The following CC2D2A variants were observed in gnomAD, a reference collection of about 807,000 sequenced individuals.
The protein encoded by CC2D2A is coiled-coil and C2 domain-containing protein 2A.
A neutral mutation model predicts 212.9 loss-of-function variants in CC2D2A; 155 were observed. That is an observed-to-expected ratio of 0.73 (90% CI 0.64 to 0.83). The LOEUF (loss-of-function observed/expected upper bound fraction) is 0.83, where lower values mean the gene tolerates loss of function less well. Ranked by LOEUF, CC2D2A falls within the 40% of genes least tolerant of loss-of-function variation. The probability of loss-of-function intolerance (pLI) is 0.00; values close to 1 mark genes in which losing one functional copy is unlikely to be tolerated. For missense variants in CC2D2A, 1,856 were observed against 1,956.2 expected (o/e 0.95, Z 0.97); for synonymous variants, 667 against 686.5 (o/e 0.97, Z 0.44).
chr4:15,601,337 A>G lies in CC2D2A; in HGVS notation c.4775A>G (p.Glu1592Gly), dbSNP rs764027313. 5 of 1,610,160 alleles carry G rather than the reference A, an allele frequency of 3.1e-6. No individual in the cohort carries two copies. The highest frequency in any genetic ancestry group is 4.2e-6 in the Non-Finnish European group (5 of 1,177,818). ...GVHNIDVPNV[E>G]FALAVYIHPY... ...CATAATATTGATGTTCCTAATGTTG[A>G]ATTTGCTTTAGCTGTATACATACAC... The change falls in exon 37 of 37, where the codon GAA becomes GGA. Residue 1592 changes from glutamate (E) to glycine (G), a missense_variant. Glu to Gly is a moderately conservative substitution (Grantham distance 98, BLOSUM62 -2). Around this residue, in one of 5 missense-constraint regions of CC2D2A, gnomAD observed 285 missense variants for 278.4 expected, o/e 1.02. Coordinates refer to ENST00000424120, the MANE Select transcript of CC2D2A (RefSeq NM_001378615.1).
At chr4:15,530,004 C>T (rs564360021) in intron 13 of CC2D2A, among the ~76,000 whole-genome samples, 1 of 72,404 alleles carries the variant, frequency 1.4e-5, no homozygotes, top group African/African-American at 3.5e-5. Flanking sequence ...CGGAGTCTCA[C>T]TCTGTCGCCC....
intron 33 of CC2D2A, among the ~76,000 whole-genome samples, chr4:15,592,599 A>C (rs1175183411): frequency 6.6e-6 from 1 of 152,028 alleles, no homozygotes; most frequent in East Asian, 1.9e-4. Context: ...GCTCTTCATT[A>C]CTCTGCAGTT....
At chr4:15,483,960 A>C (rs1714850280) in intron 4 of CC2D2A, among the ~76,000 whole-genome samples, 1 of 152,254 alleles carries the variant, frequency 6.6e-6, no homozygotes, top group Non-Finnish European at 1.5e-5. Flanking sequence ...TCCCTTGGGC[A>C]AGTTCTCCGA....
rs752196680 is a variant in CC2D2A, at chr4:15,580,184, T to A, written c.3975+13T>A. The A allele has an allele frequency of 6.3e-7, 1 of 1,597,484 alleles. No individual in the cohort carries two copies. Among genetic ancestry groups the A allele is most frequent in the East Asian group, 2.2e-5 (1 of 44,768 alleles). On this transcript the variant is annotated intron_variant, in intron 30 of 36. Transcript: ENST00000424120. The stretch of plus-strand genomic sequence containing the variant: ...ACAGGCAACTGCAGTAAGTATTTCA[T>A]AGTCAATAAGTGCTGTGCTAAAACT...
chr4:15,514,395 G>T (rs1716740496), intron 8 of CC2D2A, among the ~76,000 whole-genome samples: 1 of 152,130 alleles, frequency 6.6e-6, no homozygotes, highest in Non-Finnish European at 1.5e-5. Flanking sequence ...TACATAAATG[G>T]CAAGAAGCAA....
intron 28 of CC2D2A, among the ~76,000 whole-genome samples, chr4:15,572,173 G>A (rs1720202110): frequency 6.6e-6 from 1 of 152,134 alleles, no homozygotes; most frequent in Non-Finnish European, 1.5e-5. Flanking sequence ...TTGCCGGGTA[G>A]TTTATACATC....
At chr4:15,493,609 G>A (rs536243649) in intron 4 of CC2D2A, among the ~76,000 whole-genome samples, 1 of 152,140 alleles carries the variant, frequency 6.6e-6, no homozygotes, top group African/African-American at 2.4e-5. Flanking sequence ...CCTCCCTCCT[G>A]GCCCTCCTTA....
Position 15,557,399 on chromosome 4 carries a change from A to C in CC2D2A, c.2721A>C (p.Arg907Ser). Residue 907 changes from arginine (R) to serine (S), a missense_variant, in exon 21 of 37, where the codon AGA becomes AGC. Transcript: ENST00000424120. Reference protein sequence around the residue: ...FNFVSDQELNRSKRFRLLHLR... With the variant: ...FNFVSDQELNSSKRFRLLHLR... Reference sequence around the variant, plus strand: ...TTGTTTCAGATCAAGAATTAAATAGATCCAAACGATTTAGGCTTCTTCATC... The same window carrying C: ...TTGTTTCAGATCAAGAATTAAATAGCTCCAAACGATTTAGGCTTCTTCATC... The C allele has an allele frequency of 6.2e-7, 1 of 1,613,558 alleles. No individual in the cohort carries two copies. Among genetic ancestry groups the C allele is most frequent in the Non-Finnish European group, 8.5e-7 (1 of 1,179,630 alleles).
At position 15,521,481 on chromosome 4, in the gene CC2D2A, G is replaced by GA. The variant is rs989525396; in HGVS notation, c.1149+4735dup. Among the ~76,000 whole-genome samples, 22 of 150,096 alleles carry GA rather than the reference G, an allele frequency of 1.5e-4. No homozygotes were observed. In the East Asian group the frequency reaches 1.8e-3, roughly 12 times the overall value. On this transcript the variant is annotated intron_variant, in intron 11 of 36. Transcript: ENST00000424120. ...TTCCATGAAATAGGCTTGCCTTTAA[G>GA]AAAAAAAAAATTAAATGCCTACAGC...
chr4:15,512,029 C>T (rs1331976684), intron 8 of CC2D2A, among the ~76,000 whole-genome samples: 2 of 152,240 alleles, frequency 1.3e-5, no homozygotes, highest in Non-Finnish European at 2.9e-5. Context: ...GATACCCCTG[C>T]ACATCCATTA....
At chr4:15,528,003 A>T (rs1717604267) in intron 12 of CC2D2A, among the ~76,000 whole-genome samples, 1 of 152,206 alleles carries the variant, frequency 6.6e-6, no homozygotes, top group South Asian at 2.1e-4. Context: ...CTGTCCTTAG[A>T]AACATTCTCA....
intron 16 of CC2D2A, among the ~76,000 whole-genome samples, chr4:15,539,907 A>G (rs1359494129): frequency 6.6e-6 from 1 of 152,202 alleles, no homozygotes; most frequent in Non-Finnish European, 1.5e-5. Context: ...TCTAAATTAT[A>G]GACATGTAAA....
chr4:15,596,508 A>G lies in CC2D2A; in HGVS notation c.4437+301A>G, dbSNP rs768677965. 5.9e-5 allele frequency among the ~76,000 whole-genome samples: 9 copies of G among 152,300 alleles called. No homozygotes were observed. In the Middle Eastern group the frequency reaches 0.01, roughly 173 times the overall value. On this transcript the variant is annotated intron_variant, in intron 34 of 36. Coordinates refer to ENST00000424120, the MANE Select transcript of CC2D2A (RefSeq NM_001378615.1). ...ATGCTCATCTCAATTCACTAAATAG[A>G]TTTCATAACTTTTAATGAAACATCA...
chr4:15,595,541 T>TA (rs1480886260), intron 33 of CC2D2A, among the ~76,000 whole-genome samples: 4 of 152,236 alleles, frequency 2.6e-5, no homozygotes, highest in African/African-American at 7.2e-5. Context: ...ATCCCACTGT[T>TA]AAACAGAAGG....
At chr4:15,566,370 G>A (rs975868490) in intron 24 of CC2D2A, among the ~76,000 whole-genome samples, 5 of 152,134 alleles carry the variant, frequency 3.3e-5, no homozygotes, top group African/African-American at 9.7e-5. Flanking sequence ...GGGAGAACCT[G>A]GACTGGATGG....
At chr4:15,480,648 G>A (rs1388681962) in intron 3 of CC2D2A, 56 bp from the exon 4 acceptor site, 3 of 1,561,510 alleles carry the variant, frequency 1.9e-6, no homozygotes, top group Admixed American at 1.9e-5. Flanking sequence ...CCCAAGAGAG[G>A]AACAGACTCA....
chr4:15,523,530 A>G (rs752680040), intron 11 of CC2D2A, among the ~76,000 whole-genome samples: 12 of 152,216 alleles, frequency 7.9e-5, no homozygotes, highest in Admixed American at 2.0e-4. Flanking sequence ...GCTGCGTTCT[A>G]AGCACTTCAC....
rs116496338 is a variant in CC2D2A, at chr4:15,536,761, A to C, written c.1608-159A>C. On this transcript the variant is annotated intron_variant, in intron 14 of 36. Transcript: ENST00000424120. ...CTGTCATCTCATGTATACGATGTGGATAATAATAGCATCTGCCTCACAGGA... is the reference window on the plus strand; with the variant it reads ...CTGTCATCTCATGTATACGATGTGGCTAATAATAGCATCTGCCTCACAGGA... 0.018 allele frequency among the ~76,000 whole-genome samples: 2,796 copies of C among 152,290 alleles called. 91 individuals are homozygous for C. The highest frequency in any genetic ancestry group is 0.064 in the African/African-American group (2,649 of 41,554).
chr4:15,486,831 G>T (rs958010890), intron 4 of CC2D2A, among the ~76,000 whole-genome samples: 6 of 151,594 alleles, frequency 4.0e-5, no homozygotes, highest in African/African-American at 1.5e-4. Context: ...TACCCTATAG[G>T]TTTTCATATG....
Sources: allele counts gnomAD v4.1 joint callset (sites outside exome capture counted in the v4.1 genomes callset), GRCh38; gene constraint gnomAD v4.1.1; regional missense constraint gnomAD v4.1.1; transcripts MANE v1.5; gene names NCBI Gene and HGNC (gene_info 2026-07-23, HGNC 2026-07-21).